Variants in WDFY2 observed in about 807,000 individuals in gnomAD.
The protein encoded by WDFY2 is WD repeat and FYVE domain-containing protein 2.
WDFY2 carries 36 observed loss-of-function variants against 56.4 expected under a neutral mutation model. That is an observed-to-expected ratio of 0.64 (90% CI 0.49 to 0.84). WDFY2 has a LOEUF of 0.84. Ranked by LOEUF, WDFY2 falls within the 40% of genes least tolerant of loss-of-function variation. The pLI, the probability that WDFY2 is intolerant of heterozygous loss-of-function variation, is 0.00. For synonymous variants in WDFY2, 176 were observed against 183.7 expected (o/e 0.96, Z 0.34); for missense variants, 444 against 512.2 (o/e 0.87, Z 1.29).
chr13:51,658,797 A>G (rs960729119), intron 1 of WDFY2, among the ~76,000 whole-genome samples: 12 of 152,226 alleles, frequency 7.9e-5, no homozygotes, highest in Non-Finnish European at 2.9e-5. Context: ...ACAAATTAAT[A>G]TAATTGACCA....
At chr13:51,618,179 A>C (rs895488985) in intron 1 of WDFY2, among the ~76,000 whole-genome samples, 9 of 152,238 alleles carry the variant, frequency 5.9e-5, no homozygotes, top group Non-Finnish European at 4.4e-5. Context: ...TACCTGAAGC[A>C]TATTAGTATC....
intron 6 of WDFY2, among the ~76,000 whole-genome samples, chr13:51,732,351 C>T (rs143626381): frequency 1.3e-5 from 2 of 152,196 alleles, no homozygotes; most frequent in East Asian, 3.9e-4. Flanking sequence ...GGCTCCTGAC[C>T]TCAAATGAAC....
chr13:51,684,152 G>A (rs190573100), intron 3 of WDFY2, among the ~76,000 whole-genome samples: 160 of 152,182 alleles, frequency 1.1e-3, no homozygotes, highest in African/African-American at 3.5e-3. Flanking sequence ...CAAATTTCAC[G>A]GTTGCAAAAA....
At chr13:51,591,076 A>C (rs1313372865) in intron 1 of WDFY2, 1 of 151,888 alleles carries the variant, frequency 6.6e-6, no homozygotes, top group South Asian at 2.1e-4. Context: ...GCATTTCATC[A>C]CTCTAAGCTT....
chr13:51,691,312 G>T (rs1377938980), intron 3 of WDFY2, among the ~76,000 whole-genome samples: 4 of 151,568 alleles, frequency 2.6e-5, no homozygotes, highest in Non-Finnish European at 4.4e-5. Flanking sequence ...TTTTCTTCTA[G>T]GGTTTTTATG....
intron 1 of WDFY2, chr13:51,590,820 A>T (rs1220805561): frequency 6.6e-6 from 1 of 152,140 alleles, no homozygotes; most frequent in Non-Finnish European, 1.5e-5. Flanking sequence ...CTTCTCTTTA[A>T]AAAAATTTTT....
At chr13:51,700,607 G>A (rs7984225) in intron 3 of WDFY2, among the ~76,000 whole-genome samples, 69,688 of 152,002 alleles carry the variant, frequency 0.46, 16,205 homozygotes, top group Admixed American at 0.54. Context: ...AAGATATAAT[G>A]CATTTAATGT....
At chr13:51,731,516 G>A (rs148824409) in intron 6 of WDFY2, among the ~76,000 whole-genome samples, 400 of 152,316 alleles carry the variant, frequency 2.6e-3, no homozygotes, top group African/African-American at 9.1e-3. Flanking sequence ...GGCAAATGTA[G>A]CAGGTTAGAT....
intron 2 of WDFY2, among the ~76,000 whole-genome samples, chr13:51,670,489 G>GCA (rs55984632): frequency 0.084 from 11,034 of 131,330 alleles, 446 homozygotes; most frequent in East Asian, 0.12. Context: ...GTGCGCACAT[G>GCA]CACACACACA....
chr13:51,607,565 CATAAA>C (rs1369766807), intron 1 of WDFY2, among the ~76,000 whole-genome samples: 1 of 151,516 alleles, frequency 6.6e-6, no homozygotes, highest in African/African-American at 2.4e-5. Context: ...CTGAGTCATA[CATAAA>C]ATAATGTATC....
At chr13:51,585,521 A>G (rs1953919807) in intron 1 of WDFY2, among the ~76,000 whole-genome samples, 1 of 152,220 alleles carries the variant, frequency 6.6e-6, no homozygotes, top group Non-Finnish European at 1.5e-5. Flanking sequence ...TTTGCTTAAT[A>G]TGCAGAAGTG....
At chr13:51,649,686 G>C (rs1243927483) in intron 1 of WDFY2, among the ~76,000 whole-genome samples, 1 of 151,276 alleles carries the variant, frequency 6.6e-6, no homozygotes, top group Non-Finnish European at 1.5e-5. Context: ...GCAGTGTTTG[G>C]TTTTTTGTCC....
At chr13:51,730,583 T>C (rs1952702301) in intron 6 of WDFY2, among the ~76,000 whole-genome samples, 1 of 152,204 alleles carries the variant, frequency 6.6e-6, no homozygotes, top group Admixed American at 6.5e-5. Context: ...AGCACAGTTC[T>C]AGTGCATCGT....
At chr13:51,585,514 G>C (rs187964813) in intron 1 of WDFY2, among the ~76,000 whole-genome samples, 1 of 152,186 alleles carries the variant, frequency 6.6e-6, no homozygotes, top group African/African-American at 2.4e-5. Context: ...GCTTAATTTT[G>C]CTTAATATGC....
At position 51,759,878 on chromosome 13, in the gene WDFY2, A is replaced by G. The variant is rs564641548; in HGVS notation, c.*109A>G. ...ACATGTGAGAAGTAAGAAAGAAACT[A>G]AAGACCCTGAATGAATTTGCAGATT... is the stretch of plus-strand genomic sequence containing the variant. On this transcript the variant is annotated 3_prime_UTR_variant, in exon 12 of 12. Transcript: ENST00000298125. 6.3e-6 allele frequency: 8 copies of G among 1,260,182 alleles called. No individual in the cohort carries two copies. The Admixed American group carries it at 1.0e-4, about 16-fold the overall frequency. The allele number at this position is 1,260,182 out of a possible 1,614,324, so 78.1% of individuals were successfully genotyped here. A position where few individuals can be genotyped will look rare whatever the true frequency, so the allele number is the denominator to read the frequency against.
In WDFY2 at chr13:51,593,932, C is replaced by T. The variant is rs551190826; in HGVS notation, c.137+9108C>T. 6 of 152,274 alleles carry T rather than the reference C, an allele frequency of 3.9e-5. No individual in the cohort carries two copies. The East Asian group carries it at 7.7e-4, about 20-fold the overall frequency. The allele number at this position is 152,274 out of a possible 1,614,324, so 9.4% of individuals were successfully genotyped here. A position where few individuals can be genotyped will look rare whatever the true frequency, so the allele number is the denominator to read the frequency against. The stretch of plus-strand genomic sequence containing the variant: ...AATTTTAAAATGAGAGACAGGGTCT[C>T]ACCACGTTGTTCTGGCTGCAGTGCA... On this transcript the variant is annotated intron_variant, in intron 1 of 11. Transcript: ENST00000298125.
intron 3 of WDFY2, among the ~76,000 whole-genome samples, chr13:51,702,404 A>G (rs1158971740): frequency 1.3e-5 from 2 of 152,198 alleles, no homozygotes; most frequent in Non-Finnish European, 2.9e-5. Context: ...CCTTGAAGAA[A>G]TAATGATATG....
intron 1 of WDFY2, among the ~76,000 whole-genome samples, chr13:51,654,552 AC>A (rs747573334): frequency 3.4e-4 from 52 of 152,048 alleles, no homozygotes; most frequent in Non-Finnish European, 5.7e-4. Context: ...CTCCACCCAG[AC>A]TTTTTTTCCC....
At chr13:51,751,278 A>C in intron 7 of WDFY2, 32 bp from the exon 8 acceptor site, 1 of 1,604,582 alleles carries the variant, frequency 6.2e-7, no homozygotes. Context: ...TTGTTCTCCT[A>C]AACTGTCAAT....
Sources: gnomAD v4.1 joint callset for allele counts (sites outside exome capture counted in the v4.1 genomes callset) on GRCh38, gnomAD v4.1.1 for gene constraint, MANE v1.5 for transcripts, NCBI Gene and HGNC (gene_info 2026-07-23, HGNC 2026-07-21) for gene names.